The following RABGAP1L variants were observed in gnomAD, a reference collection of about 807,000 sequenced individuals.
RABGAP1L encodes RAB GTPase activating protein 1 like.
A neutral mutation model predicts 137.7 loss-of-function variants in RABGAP1L; 63 were observed. The ratio of observed to expected loss-of-function variants is 0.46; its 90% CI spans 0.37 to 0.56. The LOEUF is 0.56. Ranked by LOEUF, RABGAP1L falls within the 20% of genes least tolerant of loss-of-function variation. The probability of loss-of-function intolerance (pLI) is 0.00; values close to 1 mark genes in which losing one functional copy is unlikely to be tolerated. For synonymous variants in RABGAP1L, 431 were observed against 433.7 expected (o/e 0.99, Z 0.08); for missense variants, 1,095 against 1,244.0 (o/e 0.88, Z 1.80).
chr1:174,924,741 G>C (rs920965578), intron 19 of RABGAP1L, among the ~76,000 whole-genome samples: 1 of 152,054 alleles, frequency 6.6e-6, no homozygotes, highest in South Asian at 2.1e-4. Flanking sequence ...CCTTCCTTAA[G>C]CCTGGAACAT....
intron 13 of RABGAP1L, among the ~76,000 whole-genome samples, chr1:174,450,181 C>T (rs1397028503): frequency 6.6e-5 from 10 of 152,058 alleles, no homozygotes; most frequent in African/African-American, 2.2e-4. Context: ...ATGCAGGATA[C>T]TCACCCAGCA....
chr1:174,797,651 A>T (rs1474502539), intron 18 of RABGAP1L, among the ~76,000 whole-genome samples: 2 of 29,456 alleles, frequency 6.8e-5, no homozygotes, highest in Non-Finnish European at 1.2e-4. Flanking sequence ...GTGTGTGGGG[A>T]GTGTGTGTGT....
At chr1:174,685,989 G>A (rs1466184232) in intron 15 of RABGAP1L, among the ~76,000 whole-genome samples, 1 of 152,226 alleles carries the variant, frequency 6.6e-6, no homozygotes, top group Non-Finnish European at 1.5e-5. Flanking sequence ...CTGAAGTCAT[G>A]AGAGTACATC....
intron 13 of RABGAP1L, among the ~76,000 whole-genome samples, chr1:174,577,045 T>G (rs1308950479): frequency 6.6e-6 from 1 of 152,032 alleles, no homozygotes; most frequent in Non-Finnish European, 1.5e-5. Flanking sequence ...TAGCTGGGCA[T>G]TGTGGCATGC....
chr1:174,278,095 G>A (rs1386984398), intron 9 of RABGAP1L, among the ~76,000 whole-genome samples: 1 of 152,092 alleles, frequency 6.6e-6, no homozygotes, highest in South Asian at 2.1e-4. Context: ...GGAATGACCA[G>A]GCCATAGATT....
rs1034483677 is a variant in RABGAP1L, at chr1:174,624,476, A to G, written c.1711-12899A>G. Among the ~76,000 whole-genome samples the G allele has an allele frequency of 4.6e-5, 7 of 152,306 alleles. No homozygotes were observed. In the East Asian group the frequency reaches 9.6e-4, roughly 21 times the overall value. ...TTTTGAGCCCCCAGATCCTATTACA[A>G]TGTCTTGCACATAACAAATGTTAAA... On this transcript the variant is annotated intron_variant, in intron 13 of 25. Transcript: ENST00000681986.
intron 13 of RABGAP1L, among the ~76,000 whole-genome samples, chr1:174,576,420 T>C (rs1396176557): frequency 6.6e-6 from 1 of 152,150 alleles, no homozygotes; most frequent in South Asian, 2.1e-4. Context: ...TTTTCTGGGA[T>C]AGGAATCTTG....
intron 13 of RABGAP1L, among the ~76,000 whole-genome samples, chr1:174,542,247 A>C (rs1665529086): frequency 2.0e-5 from 3 of 152,156 alleles, no homozygotes; most frequent in Admixed American, 1.3e-4. Flanking sequence ...TTGGTAAGCT[A>C]TTGATTATTG....
chr1:174,508,150 C>T (rs1244557406), intron 13 of RABGAP1L, among the ~76,000 whole-genome samples: 1 of 152,096 alleles, frequency 6.6e-6, no homozygotes, highest in Non-Finnish European at 1.5e-5. Context: ...AAGACCCTTC[C>T]GTTTTTCACT....
chr1:174,883,162 A>G (rs1234574552), intron 19 of RABGAP1L, among the ~76,000 whole-genome samples: 1 of 152,150 alleles, frequency 6.6e-6, no homozygotes, highest in Non-Finnish European at 1.5e-5. Flanking sequence ...TCTCAGTTCA[A>G]GTTTTAGATT....
intron 8 of RABGAP1L, among the ~76,000 whole-genome samples, chr1:174,274,691 G>A (rs1418822793): frequency 2.0e-5 from 3 of 150,920 alleles, no homozygotes; most frequent in Admixed American, 2.0e-4. Context: ...CTGCTGAGAG[G>A]GTTTCGTTTA....
chr1:174,845,865 TTTGG>T lies in RABGAP1L; in HGVS notation c.2340+33911_2340+33914del, dbSNP rs1271618491. On this transcript the variant is annotated intron_variant, in intron 19 of 25. Coordinates refer to ENST00000681986, the MANE Select transcript of RABGAP1L (RefSeq NM_001366446.1). ...TGAATCCATCTGGTCCTGGACTCTT[TTTGG>T]TTGGTAAACTACTGATTATTGCCAC... is the stretch of plus-strand genomic sequence containing the variant. Among the ~76,000 whole-genome samples, 92 of 137,990 alleles carry T rather than the reference TTTGG, an allele frequency of 6.7e-4. 1 individual carries two copies. The highest frequency in any genetic ancestry group is 2.4e-3 in the African/African-American group (87 of 36,226). The allele number at this position is 137,990 out of a possible 152,430, so 90.5% of individuals were successfully genotyped here.
intron 15 of RABGAP1L, among the ~76,000 whole-genome samples, 175 bp downstream of exon 15, chr1:174,683,771 A>G (rs529971014): frequency 6.6e-6 from 1 of 152,218 alleles, no homozygotes; most frequent in African/African-American, 2.4e-5. Context: ...AAAATACGAC[A>G]GTTTCTCAAT....
rs142554174 is a variant in RABGAP1L, at chr1:174,682,305, CAT to C, written c.1825-1205_1825-1204del. Among the ~76,000 whole-genome samples, 21 of 147,000 alleles carry C rather than the reference CAT, an allele frequency of 1.4e-4. 1 individual carries two copies. The highest frequency in any genetic ancestry group is 2.7e-4 in the Admixed American group (4 of 14,848). Reference sequence around the variant, plus strand: ...CTCTCTCTCTCTCTCTCTATACATACATATATATATATACACACACACACACA... The same window carrying C: ...CTCTCTCTCTCTCTCTCTATACATACATATATATATACACACACACACACA... On this transcript the variant is annotated intron_variant, in intron 14 of 25. Transcript: ENST00000681986.
At chr1:174,976,702 G>C (rs1670671828) in intron 22 of RABGAP1L, among the ~76,000 whole-genome samples, 2 of 152,138 alleles carry the variant, frequency 1.3e-5, no homozygotes, top group African/African-American at 4.8e-5. Context: ...TTTCCTGGGG[G>C]AATATAAAGA....
intron 13 of RABGAP1L, among the ~76,000 whole-genome samples, chr1:174,579,561 A>G (rs974141699): frequency 2.6e-5 from 4 of 152,220 alleles, no homozygotes; most frequent in Non-Finnish European, 4.4e-5. Context: ...GAATCACTGC[A>G]GTAGATATGA....
At chr1:174,372,020 T>C (rs1002738628) in intron 12 of RABGAP1L, among the ~76,000 whole-genome samples, 6 of 152,150 alleles carry the variant, frequency 3.9e-5, no homozygotes, top group African/African-American at 1.2e-4. Context: ...ATTGGGCCTG[T>C]TATTGTTTTT....
chr1:174,791,908 C>T (rs1437375103), intron 18 of RABGAP1L, among the ~76,000 whole-genome samples: 2 of 152,172 alleles, frequency 1.3e-5, no homozygotes, highest in African/African-American at 2.4e-5. Flanking sequence ...GTGGATACCC[C>T]TTCTCAACTC....
At chr1:174,874,972 A>G (rs1452089842) in intron 19 of RABGAP1L, among the ~76,000 whole-genome samples, 2 of 152,192 alleles carry the variant, frequency 1.3e-5, no homozygotes, top group Admixed American at 6.5e-5. Context: ...TCAAACTTAG[A>G]GTGTCCCTGC....
Sources: allele counts gnomAD v4.1 joint callset (sites outside exome capture counted in the v4.1 genomes callset), GRCh38; gene constraint gnomAD v4.1.1; transcripts MANE v1.5; gene names NCBI Gene and HGNC (gene_info 2026-07-23, HGNC 2026-07-21).